The following MEDAG variants were observed in gnomAD, a reference collection of about 807,000 sequenced individuals.
The protein encoded by MEDAG is mesenteric estrogen-dependent adipogenesis protein.
In MEDAG, 25 loss-of-function variants were observed where a neutral mutation model predicts 29.9. That is an observed-to-expected ratio of 0.84 (90% confidence interval 0.61 to 1.17). The LOEUF (loss-of-function observed/expected upper bound fraction) is 1.17, where lower values mean the gene tolerates loss of function less well. Ranked by LOEUF, MEDAG falls within the 50% of genes most tolerant of loss-of-function variation. MEDAG has a pLI of 0.00. For missense variants in MEDAG, 398 were observed against 372.9 expected, an observed-to-expected ratio of 1.07 and a Z score of -0.56; for synonymous variants, 158 against 148.2, an observed-to-expected ratio of 1.07 and a Z score of -0.48.
chr13:30,917,690 G>C (rs1003103616), intron 2 of MEDAG, among the ~76,000 whole-genome samples, 178 bp downstream of exon 2: 1 of 152,114 alleles, frequency 6.6e-6, no homozygotes, highest in South Asian at 2.1e-4. Context: ...AAGCAGGCAC[G>C]TCTTACATGG....
intron 1 of MEDAG, among the ~76,000 whole-genome samples, chr13:30,910,811 C>A (rs1291643437): frequency 6.6e-6 from 1 of 152,200 alleles, no homozygotes; most frequent in Non-Finnish European, 1.5e-5. Context: ...CTGGAACACA[C>A]TTGGAAGTTT....
At chr13:30,920,973 A>G (rs778422210) in intron 2 of MEDAG, 41 bp from the exon 3 acceptor site, 46 of 1,526,098 alleles carry the variant, frequency 3.0e-5, no homozygotes, top group Non-Finnish European at 3.8e-5. Flanking sequence ...CTTATGTCAC[A>G]TGGACACACT....
chr13:30,906,699 G>C lies in MEDAG; in HGVS notation c.184G>C (p.Glu62Gln). ...CCAGCTCGTGGTGGCCAGGCCCGGG[G>C]AGCCGGCGGCGGCGCGGGGGGGCTT... ...GDQLVVARPG[E>Q]PAAARGGFNV... The change falls in exon 1 of 5, where the codon GAG (glutamate) becomes CAG (glutamine). Residue 62 changes from glutamate (E) to glutamine (Q), a missense_variant. Glu to Gln is a conservative substitution (Grantham distance 29). Transcript: ENST00000380482. 1 of 1,525,858 alleles carries C rather than the reference G, an allele frequency of 6.6e-7. No individual in the cohort carries two copies. Among genetic ancestry groups the C allele is most frequent in the Non-Finnish European group, 8.7e-7 (1 of 1,145,584 alleles). The allele number at this position is 1,525,858 out of a possible 1,614,324, so 94.5% of individuals were successfully genotyped here.
In MEDAG at chr13:30,924,460, C is replaced by T. The variant is rs1433494618; in HGVS notation, c.*25C>T. 1 of 1,611,458 alleles carries T rather than the reference C, an allele frequency of 6.2e-7. No individual in the cohort carries two copies. The highest frequency in any genetic ancestry group is 1.1e-5 in the South Asian group (1 of 90,520). Reference sequence around the variant, plus strand: ...ATTGAACTGAACATTGTAGCAGTTGCTCCCGCACTCCAGGCCTGTGCTAGA... The same window carrying T: ...ATTGAACTGAACATTGTAGCAGTTGTTCCCGCACTCCAGGCCTGTGCTAGA... On this transcript the variant is annotated 3_prime_UTR_variant, in exon 5 of 5. Transcript: ENST00000380482.
rs146567307 is a variant in MEDAG, at chr13:30,919,893, C to A, written c.389-1121C>A. Among the ~76,000 whole-genome samples the A allele has an allele frequency of 5.1e-3, 775 of 152,236 alleles. 4 individuals carry two copies. Among genetic ancestry groups the A allele is most frequent in the Non-Finnish European group, 7.3e-3 (496 of 68,018 alleles). On this transcript the variant is annotated intron_variant, in intron 2 of 4. Coordinates refer to ENST00000380482, the MANE Select transcript of MEDAG (RefSeq NM_032849.4). ...AAAGTTAAGAGGTTGCTGGTTAATA[C>A]CATTTTATATTTCCTAATGAGTAAA...
chr13:30,914,259 A>C (rs1041918974), intron 1 of MEDAG, among the ~76,000 whole-genome samples: 1 of 152,230 alleles, frequency 6.6e-6, no homozygotes, highest in African/African-American at 2.4e-5. Flanking sequence ...CAATTGGACC[A>C]TAACTGGGAG....
intron 4 of MEDAG, among the ~76,000 whole-genome samples, 200 bp from the exon 5 acceptor site, chr13:30,924,111 G>T (rs955277811): frequency 5.9e-5 from 9 of 151,986 alleles, no homozygotes; most frequent in Non-Finnish European, 1.0e-4. Context: ...ACTCCAGCCC[G>T]CAAAAAAGCA....
At chr13:30,915,558 C>T (rs1006554749) in intron 1 of MEDAG, among the ~76,000 whole-genome samples, 1 of 152,126 alleles carries the variant, frequency 6.6e-6, no homozygotes, top group African/African-American at 2.4e-5. Context: ...CTGCCTTCTC[C>T]TTTGCTTTCT....
At chr13:30,922,581 A>G (rs1432483919) in intron 4 of MEDAG, 2 of 152,216 alleles carry the variant, frequency 1.3e-5, no homozygotes, top group African/African-American at 4.8e-5. Context: ...AGTATTTGGA[A>G]GGGTTCTCCA....
chr13:30,913,945 G>A (rs1207681607), intron 1 of MEDAG, among the ~76,000 whole-genome samples: 1 of 152,176 alleles, frequency 6.6e-6, no homozygotes, highest in African/African-American at 2.4e-5. Flanking sequence ...GGGAAGCTGA[G>A]GCAGTAGAAT....
At chr13:30,916,662 G>C (rs1008643384) in intron 1 of MEDAG, 1 of 152,222 alleles carries the variant, frequency 6.6e-6, no homozygotes, top group African/African-American at 2.4e-5. Flanking sequence ...ATCTGCACTT[G>C]GACCTTTTTA....
rs1490977908 is a variant in MEDAG at position 30,921,805 on chromosome 13, G to A, written c.746G>A (p.Arg249Lys). ...AAAATGAGTGAGCCTTTAATCCGAA[G>A]GAGCAGTTTCTCTGACCGAAAGTTC... ...LEKMSEPLIR[R>K]SSFSDRKFSV... The change falls in exon 4 of 5, where the codon AGG becomes AAG. Residue 249 changes from arginine to lysine, a missense_variant. Transcript: ENST00000380482. The A allele has an allele frequency of 3.7e-6, 6 of 1,611,264 alleles. No individual in the cohort carries two copies. Among genetic ancestry groups the A allele is most frequent in the African/African-American group, 1.3e-5 (1 of 74,668 alleles).
chr13:30,909,937 T>C (rs1351874567), intron 1 of MEDAG, among the ~76,000 whole-genome samples: 2 of 152,180 alleles, frequency 1.3e-5, no homozygotes, highest in Non-Finnish European at 2.9e-5. Context: ...CCTAAAGAAA[T>C]CCAGCATAGT....
At chr13:30,914,488 C>G (rs560108206) in intron 1 of MEDAG, among the ~76,000 whole-genome samples, 104 of 152,342 alleles carry the variant, frequency 6.8e-4, no homozygotes, top group African/African-American at 2.1e-3. Flanking sequence ...TCAAGTACCC[C>G]TGAATCATCA....
Position 30,906,815 on chromosome 13 carries a change from C to T in MEDAG, c.278+22C>T, listed in dbSNP as rs763631535. The T allele has an allele frequency of 2.8e-6, 4 of 1,441,206 alleles. No homozygotes were observed. The South Asian group carries it at 4.4e-5, about 16-fold the overall frequency. The allele number at this position is 1,441,206 out of a possible 1,614,324, so 89.3% of individuals were successfully genotyped here. ...AGAGGTGGGTGGCCTCGCCGTGCGC[C>T]CTGGCCCGTCGCCTGGTACCCGCAG... On this transcript the variant is annotated intron_variant, in intron 1 of 4. Coordinates refer to ENST00000380482, the MANE Select transcript of MEDAG (RefSeq NM_032849.4).
rs575742325 is a variant in MEDAG, at chr13:30,917,999, G to C, written c.388+487G>C. ...GCAGAAATCAGCTTGTGACAAGGTA[G>C]ACAGCAAGGAGCCTGGTGGGTGAGG... On this transcript the variant is annotated intron_variant, in intron 2 of 4. Transcript: ENST00000380482. 8.5e-5 allele frequency among the ~76,000 whole-genome samples: 13 copies of C among 152,262 alleles called. No homozygotes were observed. The South Asian group carries it at 1.0e-3, about 12-fold the overall frequency.
chr13:30,906,586 G>A lies in MEDAG; in HGVS notation c.71G>A (p.Ser24Asn). The A allele has an allele frequency of 6.3e-7, 1 of 1,586,342 alleles. No homozygotes were observed. The highest frequency in any genetic ancestry group is 1.4e-5 in the African/African-American group (1 of 73,048). Residue 24 changes from serine to asparagine, a missense_variant, in exon 1 of 5, where the codon AGC (serine) becomes AAC (asparagine). Ser to Asn is a conservative substitution (Grantham distance 46). Transcript: ENST00000380482. Reference protein sequence around the residue: ...LTSISSGELRSLWTCDCELAL... With the variant: ...LTSISSGELRNLWTCDCELAL... ...TCCATCTCGTCTGGGGAGCTTCGCA[G>A]CCTGTGGACCTGCGACTGCGAGCTG...
chr13:30,913,115 C>T (rs1952896394), intron 1 of MEDAG, among the ~76,000 whole-genome samples: 1 of 152,032 alleles, frequency 6.6e-6, no homozygotes. Flanking sequence ...ATTGAGTTCA[C>T]ATAGCCAGCA....
chr13:30,917,196 C>G (rs1296337476), intron 1 of MEDAG, among the ~76,000 whole-genome samples: 1 of 152,182 alleles, frequency 6.6e-6, no homozygotes, highest in Non-Finnish European at 1.5e-5. Flanking sequence ...CCCCTAGGGC[C>G]ATGGCTGCCT....
Sources: allele counts gnomAD v4.1 joint callset (sites outside exome capture counted in the v4.1 genomes callset), GRCh38; gene constraint gnomAD v4.1.1; transcripts MANE v1.5; gene names NCBI Gene and HGNC (gene_info 2026-07-23, HGNC 2026-07-21).